SGMS2: variants seen among roughly 807,000 people sequenced by gnomAD.
SGMS2 encodes sphingomyelin synthase 2, also known as phosphatidylcholine:ceramide cholinephosphotransferase 2.
A neutral mutation model predicts 43.8 loss-of-function variants in SGMS2; 21 were observed. The observed-to-expected ratio is 0.48, with a 90% confidence interval of 0.34 to 0.69. The LOEUF (loss-of-function observed/expected upper bound fraction) is 0.69. Among genes scored for constraint, SGMS2 ranks in the 30% least tolerant of loss-of-function variants. The pLI is 0.01. For synonymous variants in SGMS2, 167 were observed against 160.6 expected, an observed-to-expected ratio of 1.04 and a Z score of -0.30; for missense variants, 384 against 443.2, an observed-to-expected ratio of 0.87 and a Z score of 1.20.
Position 107,895,919 on chromosome 4 carries a change from T to G in SGMS2, c.366T>G (p.Asp122Glu), listed in dbSNP as rs996137133. 1 of 1,613,840 alleles carries G rather than the reference T, an allele frequency of 6.2e-7. No homozygotes were observed. Among genetic ancestry groups the G allele is most frequent in the African/African-American group, 1.3e-5 (1 of 74,916 alleles). Residue 122 changes from aspartate (D) to glutamate (E), a missense_variant, in exon 3 of 7, where the codon GAT becomes GAG. Asp to Glu is a conservative substitution (Grantham distance 45). Coordinates refer to ENST00000690982, the MANE Select transcript of SGMS2 (RefSeq NM_001375905.1). ...PLPDKFFDYI[D>E]RVKWAFSVSE... ...CAGACAAGTTTTTTGATTACATTGA[T>G]AGGGTGAAATGGGCATTTTCTGTAT... is the stretch of plus-strand genomic sequence containing the variant.
chr4:107,896,745 T>C (rs963410363), intron 3 of SGMS2, among the ~76,000 whole-genome samples: 15 of 152,178 alleles, frequency 9.9e-5, no homozygotes, highest in African/African-American at 3.4e-4. Flanking sequence ...TACTTTTGCT[T>C]TGAAGACACT....
At chr4:107,865,827 C>T (rs7683699) in intron 2 of SGMS2, among the ~76,000 whole-genome samples, 82,141 of 152,008 alleles carry the variant, frequency 0.54, 23,183 homozygotes, top group African/African-American at 0.67. Context: ...TCCTCTTGTT[C>T]CATTCAGATG....
intron 2 of SGMS2, among the ~76,000 whole-genome samples, chr4:107,886,201 G>GTT (rs1245009844): frequency 6.8e-6 from 1 of 147,012 alleles, no homozygotes; most frequent in Admixed American, 6.8e-5. Flanking sequence ...CTTTGTTGTT[G>GTT]TTTTTTTTTT....
At chr4:107,866,344 T>C (rs1364165560) in intron 2 of SGMS2, among the ~76,000 whole-genome samples, 1 of 152,098 alleles carries the variant, frequency 6.6e-6, no homozygotes, top group East Asian at 1.9e-4. Flanking sequence ...GGTAGGTGGA[T>C]CACCTGAGGT....
intron 5 of SGMS2, among the ~76,000 whole-genome samples, chr4:107,906,248 G>T (rs1338237993): frequency 2.0e-5 from 3 of 151,960 alleles, no homozygotes; most frequent in African/African-American, 7.3e-5. Context: ...TTCCTTGTTT[G>T]CTCTGTTGTC....
intron 2 of SGMS2, among the ~76,000 whole-genome samples, chr4:107,862,344 G>A (rs1727783267): frequency 6.6e-6 from 1 of 152,172 alleles, no homozygotes; most frequent in Non-Finnish European, 1.5e-5. Context: ...ATTTATGACG[G>A]TATTGGAGGG....
intron 1 of SGMS2, among the ~76,000 whole-genome samples, chr4:107,834,032 C>T (rs1050034101): frequency 6.6e-6 from 1 of 152,172 alleles, no homozygotes; most frequent in Non-Finnish European, 1.5e-5. Flanking sequence ...ATGTTTAGCT[C>T]AGAGAGATCC....
chr4:107,909,884 GCT>G (rs1411691421), intron 6 of SGMS2, among the ~76,000 whole-genome samples: 3 of 152,016 alleles, frequency 2.0e-5, no homozygotes, highest in Admixed American at 2.0e-4. Flanking sequence ...TCTCTTTGTA[GCT>G]CTGTTTCCTA....
chr4:107,861,333 G>C (rs899683539), intron 2 of SGMS2, among the ~76,000 whole-genome samples: 1 of 152,128 alleles, frequency 6.6e-6, no homozygotes, highest in Non-Finnish European at 1.5e-5. Context: ...TTATCTGCTG[G>C]CAATTTGATT....
chr4:107,843,990 T>C (rs1442517005), intron 1 of SGMS2, among the ~76,000 whole-genome samples: 3 of 152,200 alleles, frequency 2.0e-5, no homozygotes, highest in East Asian at 3.8e-4. Flanking sequence ...ATGTTAACTG[T>C]ATATTCTTGA....
chr4:107,849,528 C>T, intron 1 of SGMS2, among the ~76,000 whole-genome samples: 1 of 152,154 alleles, frequency 6.6e-6, no homozygotes, highest in Non-Finnish European at 1.5e-5. Flanking sequence ...TTTTCTCCTT[C>T]AACAAATACT....
intron 1 of SGMS2, among the ~76,000 whole-genome samples, chr4:107,858,179 C>T (rs6823399): frequency 0.46 from 70,509 of 151,988 alleles, 16,924 homozygotes; most frequent in Non-Finnish European, 0.53. Context: ...TGTTAGAACG[C>T]GAACATCAGG....
chr4:107,903,313 T>C lies in SGMS2; in HGVS notation c.654T>C (p.His218=), dbSNP rs1731278759. 6 of 1,613,898 alleles carry C rather than the reference T, an allele frequency of 3.7e-6. No homozygotes were observed. In the African/African-American group the frequency reaches 8.0e-5, roughly 22 times the overall value. The change falls in exon 5 of 7, where the codon CAT becomes CAC. Residue 218 remains histidine (H), a synonymous_variant. Coordinates refer to ENST00000690982, the MANE Select transcript of SGMS2 (RefSeq NM_001375905.1). ...SGGGLSITGS[H]ILCGDFLFSG... ...GTGGATTGTCCATAACTGGATCACATATCTTATGTGGAGACTTCCTCTTCA... is the reference window on the plus strand; with the variant it reads ...GTGGATTGTCCATAACTGGATCACACATCTTATGTGGAGACTTCCTCTTCA...
chr4:107,902,313 A>G (rs73838274), intron 4 of SGMS2, among the ~76,000 whole-genome samples: 4,737 of 147,222 alleles, frequency 0.032, 81 homozygotes, highest in African/African-American at 0.044. Context: ...GTCTTTCTGT[A>G]TTTCTCTTCC....
intron 2 of SGMS2, among the ~76,000 whole-genome samples, chr4:107,861,175 C>T (rs1727712675): frequency 6.6e-6 from 1 of 152,164 alleles, no homozygotes; most frequent in Admixed American, 6.5e-5. Context: ...ATGCAGTAAA[C>T]TGGCTTGCTG....
intron 2 of SGMS2, among the ~76,000 whole-genome samples, chr4:107,889,791 G>C (rs1730056099): frequency 6.6e-6 from 1 of 152,078 alleles, no homozygotes; most frequent in Non-Finnish European, 1.5e-5. Flanking sequence ...AGCAAAATTT[G>C]CATCATAAGA....
At position 107,912,776 on chromosome 4, in the gene SGMS2, A is replaced by T. The variant is rs1343720553; in HGVS notation, c.*2223A>T. ...TAGTCAAGTAATCCAGTTTTTTTTT[A>T]ATTTAAAAAAAACCATCACCTTTTA... is the stretch of plus-strand genomic sequence containing the variant. On this transcript the variant is annotated 3_prime_UTR_variant, in exon 7 of 7. Transcript: ENST00000690982. The T allele has an allele frequency of 6.6e-6, 1 of 152,006 alleles. No individual in the cohort carries two copies. The highest frequency in any genetic ancestry group is 2.4e-5 in the African/African-American group (1 of 41,388). The allele number at this position is 152,006 out of a possible 1,614,324, so 9.4% of individuals were successfully genotyped here. A position where few individuals can be genotyped will look rare whatever the true frequency, so the allele number is the denominator to read the frequency against.
Position 107,860,584 on chromosome 4 carries a change from C to T in SGMS2, c.-245+2031C>T, listed in dbSNP as rs551803705. Reference sequence around the variant, plus strand: ...TTGCCCAGGCTGGAGTGCAATGGTGCGATCTCGGCGGCTCACTGCAATCTC... The same window carrying T: ...TTGCCCAGGCTGGAGTGCAATGGTGTGATCTCGGCGGCTCACTGCAATCTC... On this transcript the variant is annotated intron_variant, in intron 2 of 6. Coordinates refer to ENST00000690982, the MANE Select transcript of SGMS2 (RefSeq NM_001375905.1). Among the ~76,000 whole-genome samples, 10 of 149,948 alleles carry T rather than the reference C, an allele frequency of 6.7e-5. No individual in the cohort carries two copies. In the East Asian group the frequency reaches 2.0e-3, roughly 29 times the overall value.
At position 107,908,722 on chromosome 4, in the gene SGMS2, C is replaced by G. The variant is rs377533921; in HGVS notation, c.885C>G (p.Ala295=). ...TRLFWWYHSM[A]NEKNLKVSSQ... is the part of the protein sequence containing the mutation. Reference sequence around the variant, plus strand: ...TGTTTTGGTGGTACCATTCAATGGCCAATGAAAAGGTGAGAGCAGTGAAGA... The same window carrying G: ...TGTTTTGGTGGTACCATTCAATGGCGAATGAAAAGGTGAGAGCAGTGAAGA... Residue 295 remains alanine (A), a synonymous_variant, in exon 6 of 7, where the codon GCC becomes GCG. Transcript: ENST00000690982. The G allele has an allele frequency of 8.1e-6, 13 of 1,612,890 alleles. No homozygotes were observed. Among genetic ancestry groups the G allele is most frequent in the Non-Finnish European group, 1.1e-5 (13 of 1,179,536 alleles).
Sources: allele counts gnomAD v4.1 joint callset (sites outside exome capture counted in the v4.1 genomes callset), GRCh38; gene constraint gnomAD v4.1.1; transcripts MANE v1.5; gene names NCBI Gene and HGNC (gene_info 2026-07-23, HGNC 2026-07-21).